MYO1E: variants seen among roughly 807,000 people sequenced by gnomAD.
The protein encoded by MYO1E is myosin IE, also known as unconventional myosin-Ie.
A neutral mutation model predicts 151.1 loss-of-function variants in MYO1E; 68 were observed. The observed-to-expected ratio is 0.45, with a 90% CI of 0.37 to 0.55. MYO1E has a LOEUF of 0.55. MYO1E is among the 20% of genes least tolerant of loss of function. MYO1E has a pLI of 0.00. For synonymous variants in MYO1E, 601 were observed against 501.7 expected (o/e 1.20, Z -2.64); for missense variants, 1,363 against 1,389.3 (o/e 0.98, Z 0.30).
chr15:59,235,328 T>C (rs1442105352), intron 5 of MYO1E, among the ~76,000 whole-genome samples: 1 of 152,230 alleles, frequency 6.6e-6, no homozygotes, highest in Non-Finnish European at 1.5e-5. Context: ...ACAACCATTG[T>C]TGACAGTTTC....
At chr15:59,329,695 C>G (rs16941337) in intron 1 of MYO1E, among the ~76,000 whole-genome samples, 28,370 of 152,068 alleles carry the variant, frequency 0.19, 3,339 homozygotes, top group African/African-American at 0.33. Context: ...AGGCCAACTT[C>G]CTGAATAACC....
intron 17 of MYO1E, among the ~76,000 whole-genome samples, chr15:59,193,174 G>A (rs1363776139): frequency 6.6e-6 from 1 of 150,942 alleles, no homozygotes; most frequent in Non-Finnish European, 1.5e-5. Context: ...GGCCCCACCT[G>A]AGACCCACTG....
intron 1 of MYO1E, among the ~76,000 whole-genome samples, chr15:59,276,071 G>A (rs2080316953): frequency 6.6e-6 from 1 of 152,152 alleles, no homozygotes; most frequent in Admixed American, 6.5e-5. Flanking sequence ...CTAGAATTGT[G>A]AGAATATGCA....
At chr15:59,146,526 C>G (rs1187291847) in intron 26 of MYO1E, among the ~76,000 whole-genome samples, 1 of 151,898 alleles carries the variant, frequency 6.6e-6, no homozygotes, top group East Asian at 1.9e-4. Context: ...TGTTGGTCAG[C>G]CTGGTCTCGA....
intron 1 of MYO1E, among the ~76,000 whole-genome samples, chr15:59,348,358 C>T (rs2080805833): frequency 6.6e-6 from 1 of 152,138 alleles, no homozygotes; most frequent in South Asian, 2.1e-4. Flanking sequence ...TGCAGCATGG[C>T]AAAAATACAT....
chr15:59,257,393 A>G (rs1238790563), intron 3 of MYO1E, among the ~76,000 whole-genome samples: 2 of 152,216 alleles, frequency 1.3e-5, no homozygotes, highest in Admixed American at 6.5e-5. Context: ...GCTTGAGTCC[A>G]GGAGTTGGAG....
At position 59,372,684 on chromosome 15, in the gene MYO1E, T is replaced by A; in HGVS notation, c.-184A>T. ...GACTCCATCCAGGCGGGATTGGCGG[T>A]GCTAGGTGAGGGCGAGACGGCGGCG... On this transcript the variant is annotated 5_prime_UTR_variant, in exon 1 of 28. Coordinates refer to ENST00000288235, the MANE Select transcript of MYO1E (RefSeq NM_004998.4). 1 of 718,158 alleles carries A rather than the reference T, an allele frequency of 1.4e-6. No homozygotes were observed. The highest frequency in any genetic ancestry group is 2.2e-6 in the Non-Finnish European group (1 of 455,080). 44.5% of individuals were successfully genotyped at this position (718,158 alleles called of 1,614,324 possible). A position where few individuals can be genotyped will look rare whatever the true frequency, so the allele number is the denominator to read the frequency against.
intron 4 of MYO1E, among the ~76,000 whole-genome samples, chr15:59,247,454 A>G (rs995592275): frequency 2.0e-5 from 3 of 152,242 alleles, no homozygotes; most frequent in Admixed American, 2.0e-4. Flanking sequence ...GCCATCTACT[A>G]GTTTTGGATC....
chr15:59,295,426 A>G (rs1316129268), intron 1 of MYO1E, among the ~76,000 whole-genome samples: 1 of 152,162 alleles, frequency 6.6e-6, no homozygotes, highest in Non-Finnish European at 1.5e-5. Flanking sequence ...GTTAAGTAGG[A>G]AAATAGAGCT....
At chr15:59,235,744 G>A (rs1413874739) in intron 5 of MYO1E, among the ~76,000 whole-genome samples, 2 of 152,174 alleles carry the variant, frequency 1.3e-5, no homozygotes. Flanking sequence ...AACAGATTTT[G>A]CTGAAATGTT....
chr15:59,361,873 A>G (rs1441312003), intron 1 of MYO1E, among the ~76,000 whole-genome samples: 3 of 151,830 alleles, frequency 2.0e-5, no homozygotes, highest in African/African-American at 7.3e-5. Flanking sequence ...GTCTGGCTGT[A>G]TCGCCCAGGC....
chr15:59,142,604 A>C (rs1179047537), intron 26 of MYO1E, among the ~76,000 whole-genome samples: 1 of 151,980 alleles, frequency 6.6e-6, no homozygotes, highest in Non-Finnish European at 1.5e-5. Context: ...TCAACCTGAA[A>C]ATCTTTCTAA....
At position 59,218,073 on chromosome 15, in the gene MYO1E, C is replaced by T; in HGVS notation, c.925G>A (p.Ala309Thr). Reference protein sequence around the residue: ...VESEEFLAFPAYLLGINQDRL... With the variant: ...VESEEFLAFPTYLLGINQDRL... ...TCCTGGTTTATCCCTAGCAGATATG[C>T]AGGAAAAGCTAAAACTGTAGAACAT... is the stretch of plus-strand genomic sequence containing the variant. Residue 309 changes from alanine to threonine, a missense_variant, in exon 10 of 28, where the codon GCA becomes ACA. Physicochemically the swap from Ala to Thr is moderately conservative, Grantham distance 58. Coordinates refer to ENST00000288235, the MANE Select transcript of MYO1E (RefSeq NM_004998.4). The T allele has an allele frequency of 6.2e-7, 1 of 1,614,166 alleles. No homozygotes were observed. The highest frequency in any genetic ancestry group is 8.5e-7 in the Non-Finnish European group (1 of 1,180,028).
intron 8 of MYO1E, among the ~76,000 whole-genome samples, chr15:59,223,825 A>C (rs1162877254): frequency 3.3e-5 from 5 of 152,248 alleles, no homozygotes; most frequent in Non-Finnish European, 5.9e-5. Flanking sequence ...ATCTCCTAAG[A>C]AAACTACACT....
rs1159490838 is a variant in MYO1E at position 59,178,674 on chromosome 15, G to A, written c.1905-137C>T. On this transcript the variant is annotated intron_variant, in intron 18 of 27. Transcript: ENST00000288235. ...ACTGATCATCTGTTTACCAGCGTTC[G>A]AAGGCTCAGGCGTGGACTGCGATGA... is the stretch of plus-strand genomic sequence containing the variant. The A allele has an allele frequency of 1.2e-5, 14 of 1,194,486 alleles. No homozygotes were observed. In the African/African-American group the frequency reaches 1.4e-4, roughly 12 times the overall value. 74.0% of individuals were successfully genotyped at this position (1,194,486 alleles called of 1,614,324 possible).
Position 59,327,101 on chromosome 15 carries a change from T to A in MYO1E, c.3+45397A>T, listed in dbSNP as rs189616723. On this transcript the variant is annotated intron_variant, in intron 1 of 27. Coordinates refer to ENST00000288235, the MANE Select transcript of MYO1E (RefSeq NM_004998.4). ...GAACTGAAGAGGTAATGATACCATCTCCCTTTATGGGTAAGGCGTTTTCTC... is the reference window on the plus strand; with the variant it reads ...GAACTGAAGAGGTAATGATACCATCACCCTTTATGGGTAAGGCGTTTTCTC... Among the ~76,000 whole-genome samples the A allele has an allele frequency of 3.3e-5, 5 of 152,152 alleles. No homozygotes were observed. In the East Asian group the frequency reaches 9.7e-4, roughly 29 times the overall value.
chr15:59,240,359 A>G (rs1302947216), intron 4 of MYO1E, among the ~76,000 whole-genome samples: 1 of 152,156 alleles, frequency 6.6e-6, no homozygotes, highest in South Asian at 2.1e-4. Context: ...TCAAATAGGA[A>G]GTATTGTAGA....
chr15:59,234,831 A>AAC lies in MYO1E; in HGVS notation c.420+1753_420+1754insGT, dbSNP rs2080052608. Among the ~76,000 whole-genome samples, 7 of 151,962 alleles carry AAC rather than the reference A, an allele frequency of 4.6e-5. No homozygotes were observed. The South Asian group carries it at 1.5e-3, about 32-fold the overall frequency. On this transcript the variant is annotated intron_variant, in intron 5 of 27. Transcript: ENST00000288235. ...GAGTGAGACCCCATCTCAAAAAAAAAAAAAAAAAAAAGGGAACCACAATAA... is the reference window on the plus strand; with the variant it reads ...GAGTGAGACCCCATCTCAAAAAAAAAACAAAAAAAAAAAGGGAACCACAATAA...
intron 1 of MYO1E, among the ~76,000 whole-genome samples, chr15:59,324,670 C>G (rs1191770817): frequency 3.3e-5 from 5 of 151,698 alleles, no homozygotes; most frequent in East Asian, 3.9e-4. Flanking sequence ...CAAGCCCCCC[C>G]CCCACAGAGG....
Sources: allele counts gnomAD v4.1 joint callset (sites outside exome capture counted in the v4.1 genomes callset), GRCh38; gene constraint gnomAD v4.1.1; transcripts MANE v1.5; gene names NCBI Gene and HGNC (gene_info 2026-07-23, HGNC 2026-07-21).